The following CDH23 variants were observed in gnomAD, a reference collection of about 807,000 sequenced individuals.
CDH23 encodes cadherin-23.
A neutral mutation model predicts 317.1 loss-of-function variants in CDH23; 189 were observed. The observed-to-expected ratio is 0.60, with a 90% CI of 0.53 to 0.67. The LOEUF is 0.67. Ranked by LOEUF, CDH23 falls within the 30% of genes least tolerant of loss-of-function variation. The pLI is 0.00. For missense variants in CDH23, 4,401 were observed against 4,592.4 expected, an observed-to-expected ratio of 0.96 and a Z score of 1.20; for synonymous variants, 1,839 against 1,876.8, an observed-to-expected ratio of 0.98 and a Z score of 0.52.
chr10:71,583,936 A>G (rs1858840834), intron 9 of CDH23, among the ~76,000 whole-genome samples: 1 of 151,890 alleles, frequency 6.6e-6, no homozygotes, highest in African/African-American at 2.4e-5. Context: ...ACAACCCACT[A>G]GTTCTCAAAG....
chr10:71,580,368 G>C (rs1858536454), intron 9 of CDH23, among the ~76,000 whole-genome samples: 1 of 152,242 alleles, frequency 6.6e-6, no homozygotes, highest in African/African-American at 2.4e-5. Flanking sequence ...AAACCACAGG[G>C]AAGGGATGTG....
rs1424512810 is a variant in CDH23 at position 71,688,995 on chromosome 10, G to A, written c.2059+1276G>A. 9.9e-5 allele frequency among the ~76,000 whole-genome samples: 9 copies of A among 90,634 alleles called. 3 individuals are homozygous for A. Among genetic ancestry groups the A allele is most frequent in the Non-Finnish European group, 1.0e-4 (4 of 39,118 alleles). The allele number at this position is 90,634 out of a possible 152,430, so 59.5% of individuals were successfully genotyped here. A position where few individuals can be genotyped will look rare whatever the true frequency, so the allele number is the denominator to read the frequency against. ...GTCCAGGGGTGGTGGAGTCAGGGAT[G>A]GTGGAGCCAGGGGTGGTGGAGTCAG... On this transcript the variant is annotated intron_variant, in intron 19 of 69. Coordinates refer to ENST00000224721, the MANE Select transcript of CDH23 (RefSeq NM_022124.6).
intron 41 of CDH23, among the ~76,000 whole-genome samples, chr10:71,783,355 A>G (rs1841008417): frequency 6.6e-6 from 1 of 152,092 alleles, no homozygotes; most frequent in African/African-American, 2.4e-5. Flanking sequence ...GTCAGCTCTG[A>G]GTGGTGCTGT....
intron 6 of CDH23, among the ~76,000 whole-genome samples, chr10:71,559,992 C>G (rs908929162): frequency 2.6e-5 from 4 of 152,222 alleles, no homozygotes; most frequent in African/African-American, 9.6e-5. Context: ...GCTTCTCTCC[C>G]CTATACTGTC....
At chr10:71,810,405 G>C in intron 61 of CDH23, 67 bp from the exon 62 acceptor site, 3 of 1,432,146 alleles carry the variant, frequency 2.1e-6, no homozygotes, top group Non-Finnish European at 2.9e-6. Context: ...GTTCCTAAAA[G>C]AGGCCTGCCC....
chr10:71,762,824 C>T (rs1469700860), intron 38 of CDH23, among the ~76,000 whole-genome samples: 2 of 152,220 alleles, frequency 1.3e-5, no homozygotes, highest in East Asian at 1.9e-4. Context: ...CATCCATGCA[C>T]GTCCTTCCAG....
At chr10:71,514,955 T>A (rs1439413926) in intron 6 of CDH23, among the ~76,000 whole-genome samples, 1 of 152,234 alleles carries the variant, frequency 6.6e-6, no homozygotes, top group Admixed American at 6.5e-5. Context: ...GAGGTGCTGC[T>A]CCAGTACCTC....
At position 71,676,354 on chromosome 10, in the gene CDH23, C is replaced by A. The variant is rs576635011; in HGVS notation, c.1515-1102C>A. On this transcript the variant is annotated intron_variant, in intron 15 of 69. Coordinates refer to ENST00000224721, the MANE Select transcript of CDH23 (RefSeq NM_022124.6). ...GAAAAGATGGGGAAGGAGCTGGATG[C>A]CATGGCTCATGCCTGTAATCTCAGC... is the stretch of plus-strand genomic sequence containing the variant. Among the ~76,000 whole-genome samples, 16 of 151,946 alleles carry A rather than the reference C, an allele frequency of 1.1e-4. No homozygotes were observed. In the South Asian group the frequency reaches 3.1e-3, roughly 30 times the overall value.
At chr10:71,737,387 A>T (rs905048474) in intron 34 of CDH23, among the ~76,000 whole-genome samples, 3 of 152,242 alleles carry the variant, frequency 2.0e-5, no homozygotes, top group Non-Finnish European at 4.4e-5. Context: ...CGTGCAGCTC[A>T]TAAGTGGTTG....
intron 38 of CDH23, among the ~76,000 whole-genome samples, chr10:71,767,590 CTA>C (rs1341357908): frequency 2.0e-5 from 3 of 152,176 alleles, no homozygotes; most frequent in African/African-American, 7.2e-5. Flanking sequence ...TAGGAAAAGA[CTA>C]TGTTCTGTCT....
intron 9 of CDH23, among the ~76,000 whole-genome samples, chr10:71,599,964 T>TC (rs1206592526): frequency 6.7e-6 from 1 of 150,358 alleles, no homozygotes; most frequent in African/African-American, 2.4e-5. Context: ...GTGGGAATAG[T>TC]CCCATTTACA....
In CDH23 at chr10:71,635,768, T is replaced by C. The variant is rs367940805; in HGVS notation, c.1135-8093T>C. On this transcript the variant is annotated intron_variant, in intron 11 of 69. Coordinates refer to ENST00000224721, the MANE Select transcript of CDH23 (RefSeq NM_022124.6). ...GAGGAGAGAGAGAAGAGAGGCTTAG[T>C]CTGCACAGGCTGCTGTAACAAACTA... is the stretch of plus-strand genomic sequence containing the variant. Among the ~76,000 whole-genome samples, 14 of 152,072 alleles carry C rather than the reference T, an allele frequency of 9.2e-5. 1 individual carries two copies. The highest frequency in any genetic ancestry group is 4.6e-4 in the Admixed American group (7 of 15,264).
chr10:71,803,100 A>C, intron 54 of CDH23, 25 bp downstream of exon 54: 2 of 1,277,500 alleles, frequency 1.6e-6, no homozygotes, highest in Non-Finnish European at 2.2e-6. Context: ...TTGGACACCC[A>C]TGATGTCTTG....
intron 9 of CDH23, among the ~76,000 whole-genome samples, chr10:71,583,289 G>A (rs576099351): frequency 3.1e-4 from 47 of 152,258 alleles, no homozygotes; most frequent in African/African-American, 1.0e-3. Flanking sequence ...GAGGGAGGCA[G>A]GGCGGGCCAT....
chr10:71,486,632 A>G (rs1169729621), intron 3 of CDH23, among the ~76,000 whole-genome samples: 1 of 152,062 alleles, frequency 6.6e-6, no homozygotes, highest in African/African-American at 2.4e-5. Flanking sequence ...CATTTTCTAG[A>G]TGGGAAACGG....
chr10:71,636,910 A>G (rs1478663841), intron 11 of CDH23, among the ~76,000 whole-genome samples: 1 of 152,146 alleles, frequency 6.6e-6, no homozygotes, highest in African/African-American at 2.4e-5. Context: ...CTTGCTGGGT[A>G]CCAGGGGTTG....
chr10:71,675,312 T>C, intron 15 of CDH23, 136 bp downstream of exon 15: 1 of 709,186 alleles, frequency 1.4e-6, no homozygotes. Context: ...GGACTGGAAG[T>C]TGGAACCCAT....
intron 45 of CDH23, among the ~76,000 whole-genome samples, chr10:71,789,893 A>G (rs1469781648): frequency 1.3e-5 from 2 of 152,224 alleles, no homozygotes; most frequent in African/African-American, 4.8e-5. Context: ...CTAGTCATGT[A>G]TGGCCAGGCC....
At chr10:71,463,177 G>T (rs1851089779) in intron 3 of CDH23, among the ~76,000 whole-genome samples, 1 of 152,172 alleles carries the variant, frequency 6.6e-6, no homozygotes, top group South Asian at 2.1e-4. Flanking sequence ...TTGAGAAATG[G>T]CAGTAAAGAG....
Sources: gnomAD v4.1 joint callset for allele counts (sites outside exome capture counted in the v4.1 genomes callset) on GRCh38, gnomAD v4.1.1 for gene constraint, MANE v1.5 for transcripts, NCBI Gene and HGNC (gene_info 2026-07-23, HGNC 2026-07-21) for gene names.